The following COL10A1 variants were observed in gnomAD, a reference collection of about 807,000 sequenced individuals.
COL10A1 encodes collagen type X alpha 1 chain.
In COL10A1, 10 loss-of-function variants were observed where a neutral mutation model predicts 18.2. That is an observed-to-expected ratio of 0.55 (90% CI 0.34 to 0.93). COL10A1 has a LOEUF of 0.93. Among genes scored for constraint, COL10A1 ranks in the 40% least tolerant of loss-of-function variants. The probability of loss-of-function intolerance (pLI) is 0.02; values close to 1 mark genes in which losing one functional copy is unlikely to be tolerated. For synonymous variants in COL10A1, 330 were observed against 316.6 expected, an observed-to-expected ratio of 1.04 and a Z score of -0.45; for missense variants, 897 against 853.5, an observed-to-expected ratio of 1.05 and a Z score of -0.64.
chr6:116,156,473 A>G (rs892106828), intron 1 of COL10A1, among the ~76,000 whole-genome samples: 2 of 152,192 alleles, frequency 1.3e-5, no homozygotes, highest in African/African-American at 2.4e-5. Flanking sequence ...AGGGATTACT[A>G]TGCTGTGTAT....
the COL10A1 span, among the ~76,000 whole-genome samples, chr6:116,174,928 G>A: frequency 6.6e-6 from 1 of 152,118 alleles, no homozygotes; most frequent in Non-Finnish European, 1.5e-5. Context: ...AAAAAGTCAT[G>A]TTTTATAATA....
At chr6:116,144,013 C>T (rs780169807) in intron 1 of COL10A1, among the ~76,000 whole-genome samples, 7 of 152,108 alleles carry the variant, frequency 4.6e-5, no homozygotes, top group Non-Finnish European at 7.4e-5. Context: ...GGAGCTTTAT[C>T]ATTATGATTT....
intron 2 of COL10A1, 22 bp downstream of exon 2, chr6:116,125,317 C>T: frequency 6.2e-7 from 1 of 1,611,018 alleles, no homozygotes; most frequent in Non-Finnish European, 8.5e-7. Context: ...GTTAATAGAA[C>T]AAAATATACA....
Position 116,120,066 on chromosome 6 carries a change from T to TGGA in COL10A1, c.*6_*7insTCC, listed in dbSNP as rs140722. On this transcript the variant is annotated 3_prime_UTR_variant, in exon 3 of 3. Transcript: ENST00000651968. ...TAGCACAAGATTTAGATTAGCTCTG[T>TGGA]GTGTACTCACATTGGAGCCACTAGG... 31 of 1,609,522 alleles carry TGGA rather than the reference T, an allele frequency of 1.9e-5. No individual in the cohort carries two copies. The highest frequency in any genetic ancestry group is 2.6e-5 in the Non-Finnish European group (30 of 1,176,030).
upstream of COL10A1, among the ~76,000 whole-genome samples, chr6:116,129,578 C>A (rs1339806412): frequency 6.6e-6 from 1 of 152,186 alleles, no homozygotes; most frequent in East Asian, 1.9e-4. Flanking sequence ...GCCCTTCTGC[C>A]TTCTGCCATG....
upstream of COL10A1, among the ~76,000 whole-genome samples, chr6:116,160,320 G>A (rs1289982145): frequency 3.3e-5 from 5 of 152,126 alleles, no homozygotes; most frequent in East Asian, 9.6e-4. Flanking sequence ...TGACTGGTAT[G>A]AGATGGCATC....
chr6:116,178,106 C>CAT, the COL10A1 span, among the ~76,000 whole-genome samples: 6 of 130,740 alleles, frequency 4.6e-5, no homozygotes, highest in African/African-American at 1.6e-4. Flanking sequence ...CGCGCGCGTG[C>CAT]GTGCGTGTGT....
chr6:116,172,259 A>T, the COL10A1 span, among the ~76,000 whole-genome samples: 1 of 151,466 alleles, frequency 6.6e-6, no homozygotes, highest in East Asian at 1.9e-4. Flanking sequence ...GTTATATTAG[A>T]TAAGTATATT....
intron 1 of COL10A1, among the ~76,000 whole-genome samples, chr6:116,154,085 AC>A (rs200308886): frequency 0.011 from 1,643 of 148,472 alleles, 12 homozygotes; most frequent in Non-Finnish European, 0.016. Flanking sequence ...GAAGTGATTG[AC>A]CAAAGAGATG....
chr6:116,180,418 A>T, the COL10A1 span, among the ~76,000 whole-genome samples: 1 of 152,110 alleles, frequency 6.6e-6, no homozygotes. Flanking sequence ...GATATGTCAC[A>T]CTTTATAATC....
At chr6:116,157,974 T>C (rs902106458) in intron 1 of COL10A1, among the ~76,000 whole-genome samples, 8 of 152,190 alleles carry the variant, frequency 5.3e-5, no homozygotes, top group Admixed American at 6.5e-5. Flanking sequence ...TCCAATTAAA[T>C]CTTTCAGTAC....
chr6:116,210,119 G>T, the COL10A1 span, among the ~76,000 whole-genome samples: 1 of 151,904 alleles, frequency 6.6e-6, no homozygotes, highest in African/African-American at 2.4e-5. Context: ...GATATAATTA[G>T]AATGCATATT....
the COL10A1 span, among the ~76,000 whole-genome samples, chr6:116,168,654 T>G: frequency 6.6e-6 from 1 of 152,166 alleles, no homozygotes; most frequent in Non-Finnish European, 1.5e-5. Flanking sequence ...TTATATTATA[T>G]TGTCTCCTTG....
chr6:116,132,729 C>T (rs1163665351), intron 1 of COL10A1, among the ~76,000 whole-genome samples: 1 of 152,114 alleles, frequency 6.6e-6, no homozygotes, highest in African/African-American at 2.4e-5. Context: ...ATGTGTTCAC[C>T]CCCTGTTCTG....
At chr6:116,187,029 G>A in the COL10A1 span, among the ~76,000 whole-genome samples, 4 of 151,984 alleles carry the variant, frequency 2.6e-5, no homozygotes, top group East Asian at 3.9e-4. Context: ...AAGGGCTACC[G>A]TTCAGATTCT....
chr6:116,147,577 AC>A lies in COL10A1; in HGVS notation c.-16+11036del, dbSNP rs1779930500. ...AAAAAGTATTTAAAGCAAAACAATA[AC>A]CCAGTTGAATAATGGATAAAGAATT... On this transcript the variant is annotated intron_variant, in intron 1 of 1. Coordinates refer to the COL10A1 transcript ENST00000418500. 2.6e-5 allele frequency among the ~76,000 whole-genome samples: 4 copies of A among 152,332 alleles called. No homozygotes were observed. In the South Asian group the frequency reaches 8.3e-4, roughly 32 times the overall value.
chr6:116,173,599 G>A, the COL10A1 span, among the ~76,000 whole-genome samples: 1 of 152,122 alleles, frequency 6.6e-6, no homozygotes, highest in Non-Finnish European at 1.5e-5. Flanking sequence ...GCTGTGGACT[G>A]TGGTAAAAAT....
At chr6:116,168,699 GTT>G in the COL10A1 span, among the ~76,000 whole-genome samples, 1 of 151,148 alleles carries the variant, frequency 6.6e-6, no homozygotes, top group Non-Finnish European at 1.5e-5. Flanking sequence ...ACTAGCTATT[GTT>G]TTTTTTAATT....
the COL10A1 span, among the ~76,000 whole-genome samples, chr6:116,216,114 AG>A: frequency 2.0e-4 from 31 of 152,274 alleles, no homozygotes; most frequent in African/African-American, 7.2e-4. Flanking sequence ...ATAGTGTAAG[AG>A]TAAACACTTT....
Sources: allele counts gnomAD v4.1 joint callset (sites outside exome capture counted in the v4.1 genomes callset), GRCh38; gene constraint gnomAD v4.1.1; transcripts MANE v1.5; gene names NCBI Gene and HGNC (gene_info 2026-07-23, HGNC 2026-07-21).